Variants in RBFOX1 observed in about 807,000 individuals in gnomAD.
RBFOX1 encodes the protein RNA binding fox-1 homolog 1.
In RBFOX1, 8 loss-of-function variants were observed where a neutral mutation model predicts 57.7. The ratio of observed to expected loss-of-function variants is 0.14; its 90% confidence interval spans 0.08 to 0.25. RBFOX1 has a LOEUF of 0.25. RBFOX1 is among the 10% of genes least tolerant of loss of function. RBFOX1 has a pLI of 1.00. For synonymous variants in RBFOX1, 326 were observed against 222.4 expected (o/e 1.47, Z -4.15); for missense variants, 611 against 548.5 (o/e 1.11, Z -1.14).
intron 2 of RBFOX1, among the ~76,000 whole-genome samples, chr16:5,545,195 C>T (rs1209446851): frequency 6.6e-6 from 1 of 152,052 alleles, no homozygotes; most frequent in African/African-American, 2.4e-5. Context: ...CCAGGCTGGT[C>T]TTGAAACCTT....
chr16:7,238,984 A>G (rs2093919847), intron 4 of RBFOX1, among the ~76,000 whole-genome samples: 1 of 152,142 alleles, frequency 6.6e-6, no homozygotes, highest in Non-Finnish European at 1.5e-5. Context: ...GTTCTTTTTT[A>G]TGGCTGCATA....
intron 3 of RBFOX1, among the ~76,000 whole-genome samples, chr16:6,898,160 G>C (rs889915969): frequency 6.6e-6 from 1 of 152,130 alleles, no homozygotes; most frequent in Non-Finnish European, 1.5e-5. Flanking sequence ...CATCATAATT[G>C]AGGTCGTAGC....
chr16:5,861,293 A>C (rs758360322), intron 3 of RBFOX1, among the ~76,000 whole-genome samples: 1 of 152,172 alleles, frequency 6.6e-6, no homozygotes, highest in Non-Finnish European at 1.5e-5. Context: ...CCCGTGCCAC[A>C]CAGGTGACTA....
intron 1 of RBFOX1, among the ~76,000 whole-genome samples, chr16:6,180,045 T>A (rs980060148): frequency 6.6e-6 from 1 of 152,216 alleles, no homozygotes; most frequent in Non-Finnish European, 1.5e-5. Flanking sequence ...TTTGCCAGTA[T>A]CTTCTTGAAG....
At chr16:6,796,757 A>T (rs978362839) in intron 3 of RBFOX1, among the ~76,000 whole-genome samples, 43 of 152,288 alleles carry the variant, frequency 2.8e-4, no homozygotes, top group Non-Finnish European at 5.0e-4. Context: ...CCCCATGAAG[A>T]TGGGCCTACA....
chr16:6,232,773 C>T, intron 1 of RBFOX1, among the ~76,000 whole-genome samples: 1 of 152,246 alleles, frequency 6.6e-6, no homozygotes, highest in East Asian at 1.9e-4. Flanking sequence ...ACCTCGAGGT[C>T]TTGCTCAGAT....
chr16:5,931,632 T>G (rs977972831), intron 4 of RBFOX1, among the ~76,000 whole-genome samples: 1 of 152,148 alleles, frequency 6.6e-6, no homozygotes, highest in Non-Finnish European at 1.5e-5. Flanking sequence ...GGTGAGAGCT[T>G]CCAGGATCAA....
At chr16:5,548,166 A>ATATATATATATAT (rs1420272771) in intron 2 of RBFOX1, among the ~76,000 whole-genome samples, 31 of 33,678 alleles carry the variant, frequency 9.2e-4, no homozygotes, top group South Asian at 2.9e-3. Context: ...GTTAAAAAAA[A>ATATATATATATAT]AAAAAAAAAT....
At chr16:6,682,971 A>G (rs541855231) in intron 3 of RBFOX1, among the ~76,000 whole-genome samples, 2 of 152,042 alleles carry the variant, frequency 1.3e-5, no homozygotes, top group Admixed American at 6.6e-5. Context: ...GGGGTTGACA[A>G]GCTGCAGTGT....
intron 3 of RBFOX1, among the ~76,000 whole-genome samples, chr16:5,640,667 C>A (rs181499411): frequency 1.3e-5 from 2 of 151,468 alleles, no homozygotes; most frequent in African/African-American, 4.9e-5. Flanking sequence ...CATACACATA[C>A]ATGCATACAC....
At chr16:6,067,966 G>C (rs1214255168) in intron 1 of RBFOX1, among the ~76,000 whole-genome samples, 2 of 152,090 alleles carry the variant, frequency 1.3e-5, no homozygotes, top group African/African-American at 4.8e-5. Flanking sequence ...TGTGTGAATA[G>C]GTTTATTGTG....
At chr16:7,393,497 A>T (rs2098082067) in intron 4 of RBFOX1, among the ~76,000 whole-genome samples, 1 of 152,124 alleles carries the variant, frequency 6.6e-6, no homozygotes, top group African/African-American at 2.4e-5. Context: ...CTTAGGTCAG[A>T]TTTCCTAGGG....
chr16:7,332,222 A>G lies in RBFOX1; in HGVS notation c.28-185925A>G, dbSNP rs889838099. On this transcript the variant is annotated intron_variant, in intron 4 of 15. Transcript: ENST00000550418. Reference sequence around the variant, plus strand: ...ACCATGAGCAAACCATTTAACTAGTATCAGCCCTGTTTCCCATTTGTTATA... The same window carrying G: ...ACCATGAGCAAACCATTTAACTAGTGTCAGCCCTGTTTCCCATTTGTTATA... 6.6e-5 allele frequency among the ~76,000 whole-genome samples: 10 copies of G among 152,198 alleles called. 1 individual carries two copies. The highest frequency in any genetic ancestry group is 4.6e-4 in the Admixed American group (7 of 15,280).
intron 2 of RBFOX1, among the ~76,000 whole-genome samples, chr16:6,644,772 C>T (rs937821914): frequency 3.3e-5 from 5 of 152,094 alleles, no homozygotes; most frequent in Non-Finnish European, 7.4e-5. Flanking sequence ...CTGTGATTGC[C>T]CTGGGATTCC....
chr16:6,306,233 A>G (rs924019796), intron 1 of RBFOX1, among the ~76,000 whole-genome samples: 6 of 152,092 alleles, frequency 3.9e-5, no homozygotes, highest in Non-Finnish European at 4.4e-5. Flanking sequence ...CCTGTCCTAG[A>G]TTTGCTGCAG....
chr16:6,133,118 A>G (rs1254816168), intron 1 of RBFOX1, among the ~76,000 whole-genome samples: 1 of 151,030 alleles, frequency 6.6e-6, no homozygotes, highest in African/African-American at 2.4e-5. Context: ...TCTTCTCTGG[A>G]GGTATCTGGA....
intron 2 of RBFOX1, among the ~76,000 whole-genome samples, chr16:6,646,311 C>T (rs1279564163): frequency 2.0e-5 from 3 of 152,050 alleles, no homozygotes; most frequent in Admixed American, 1.3e-4. Context: ...TCCCCTGGGG[C>T]GCCTCCCGCA....
At chr16:7,366,810 A>G (rs1418339717) in intron 4 of RBFOX1, among the ~76,000 whole-genome samples, 1 of 152,192 alleles carries the variant, frequency 6.6e-6, no homozygotes, top group Non-Finnish European at 1.5e-5. Context: ...TTCCAGTGAA[A>G]GTACATTAGG....
At chr16:6,265,331 G>A (rs1286587314) in intron 1 of RBFOX1, among the ~76,000 whole-genome samples, 1 of 151,688 alleles carries the variant, frequency 6.6e-6, no homozygotes, top group Admixed American at 6.6e-5. Flanking sequence ...GTGCAGTCTC[G>A]GCTCACTACA....
Sources: gnomAD v4.1 joint callset for allele counts (sites outside exome capture counted in the v4.1 genomes callset) on GRCh38, gnomAD v4.1.1 for gene constraint, MANE v1.5 for transcripts, NCBI Gene and HGNC (gene_info 2026-07-23, HGNC 2026-07-21) for gene names.